Variants in THADA observed in about 807,000 individuals in gnomAD.
The protein encoded by THADA is THADA armadillo repeat containing.
Under a neutral mutation model 219.8 loss-of-function variants are expected in THADA, and 213 were observed. The ratio of observed to expected loss-of-function variants is 0.97; its 90% confidence interval spans 0.87 to 1.09. The LOEUF (loss-of-function observed/expected upper bound fraction) is 1.09. Ranked by LOEUF, THADA falls within the 50% of genes least tolerant of loss-of-function variation. The pLI is 0.00. For synonymous variants in THADA, 1,018 were observed against 828.9 expected (o/e 1.23, Z -3.92); for missense variants, 2,956 against 2,311.3 (o/e 1.28, Z -5.72).
At chr2:43,509,768 T>A (rs1690158899) in intron 22 of THADA, among the ~76,000 whole-genome samples, 1 of 152,190 alleles carries the variant, frequency 6.6e-6, no homozygotes, top group African/African-American at 2.4e-5. Context: ...ATAAGACTAC[T>A]TTAAAGGAGG....
At chr2:43,583,219 T>C (rs1700644971) in intron 7 of THADA, among the ~76,000 whole-genome samples, 1 of 152,234 alleles carries the variant, frequency 6.6e-6, no homozygotes. Flanking sequence ...CAACTCCAAA[T>C]CTGCTGTACC....
intron 30 of THADA, among the ~76,000 whole-genome samples, chr2:43,322,907 C>T (rs934948458): frequency 6.6e-5 from 10 of 151,814 alleles, no homozygotes; most frequent in Non-Finnish European, 1.0e-4. Context: ...AGGATGGTTT[C>T]GATCTCCTGA....
intron 29 of THADA, among the ~76,000 whole-genome samples, chr2:43,346,030 C>A (rs947323574): frequency 6.6e-6 from 1 of 152,050 alleles, no homozygotes; most frequent in Non-Finnish European, 1.5e-5. Flanking sequence ...CCTGGTTATT[C>A]ACCAGGAATG....
chr2:43,530,050 A>C (rs1243899649), intron 21 of THADA, among the ~76,000 whole-genome samples: 1 of 152,204 alleles, frequency 6.6e-6, no homozygotes, highest in Non-Finnish European at 1.5e-5. Context: ...CCACACTCAA[A>C]GTACATCTGA....
intron 31 of THADA, among the ~76,000 whole-genome samples, chr2:43,301,879 C>T (rs973587742): frequency 6.6e-6 from 1 of 152,164 alleles, no homozygotes; most frequent in Non-Finnish European, 1.5e-5. Context: ...GGTGCAACAA[C>T]GTTTGTGTCC....
intron 28 of THADA, among the ~76,000 whole-genome samples, chr2:43,413,447 C>A (rs1374058084): frequency 6.6e-6 from 1 of 152,178 alleles, no homozygotes; most frequent in Non-Finnish European, 1.5e-5. Context: ...AGGTGAGATA[C>A]AAATTTAATA....
intron 31 of THADA, among the ~76,000 whole-genome samples, chr2:43,302,040 C>CT (rs76563247): frequency 0.03 from 4,448 of 148,876 alleles, 126 homozygotes; most frequent in East Asian, 0.096. Flanking sequence ...CCTTCTTTGC[C>CT]TTTTTTTTTT....
chr2:43,498,896 A>G lies in THADA; in HGVS notation c.3681T>C (p.Ile1227=), dbSNP rs369623620. 1.6e-5 allele frequency: 25 copies of G among 1,608,800 alleles called. No individual in the cohort carries two copies. The African/African-American group carries it at 3.2e-4, about 21-fold the overall frequency. ...TAGCTCCATCAGCAACATAAGGAAT[A>G]ATATTTTCTCCCAGGCGCGTATCTC... ...LFRDTRLGEN[I]IPYVADGAKA... Residue 1227 remains isoleucine, a synonymous_variant, in exon 25 of 38, where the codon ATT becomes ATC. Coordinates refer to ENST00000405975, the MANE Select transcript of THADA (RefSeq NM_022065.5).
chr2:43,592,161 A>G lies in THADA; in HGVS notation c.77-115T>C, dbSNP rs1195324834. ...TAAACCATAGCAATAGGTGGAACAT[A>G]GTCTGAAGACAGAATTTTAAGAAAA... is the stretch of plus-strand genomic sequence containing the variant. On this transcript the variant is annotated intron_variant, in intron 2 of 37. Coordinates refer to ENST00000405975, the MANE Select transcript of THADA (RefSeq NM_022065.5). The G allele has an allele frequency of 3.0e-6, 3 of 1,000,232 alleles. 1 individual carries two copies. The highest frequency in any genetic ancestry group is 5.3e-5 in the East Asian group (2 of 37,894). 62.0% of individuals were successfully genotyped at this position (1,000,232 alleles called of 1,614,324 possible). A position where few individuals can be genotyped will look rare whatever the true frequency, so the allele number is the denominator to read the frequency against.
At chr2:43,539,291 G>A (rs1574148251) in intron 21 of THADA, among the ~76,000 whole-genome samples, 1 of 152,162 alleles carries the variant, frequency 6.6e-6, no homozygotes, top group African/African-American at 2.4e-5. Context: ...GTGTACCTCA[G>A]GTGTGGCCCA....
chr2:43,329,766 A>C (rs898517857), intron 30 of THADA, among the ~76,000 whole-genome samples: 1 of 152,200 alleles, frequency 6.6e-6, no homozygotes, highest in Admixed American at 6.5e-5. Flanking sequence ...GCAATTAGAA[A>C]CCACGTAGAC....
intron 26 of THADA, among the ~76,000 whole-genome samples, chr2:43,447,794 C>T (rs1247549873): frequency 6.6e-6 from 1 of 150,696 alleles, no homozygotes; most frequent in African/African-American, 2.4e-5. Context: ...AACTTTGTTT[C>T]AAAACATTTT....
intron 30 of THADA, among the ~76,000 whole-genome samples, chr2:43,328,823 G>A (rs1262192977): frequency 4.6e-5 from 7 of 152,172 alleles, no homozygotes; most frequent in African/African-American, 1.7e-4. Flanking sequence ...TTTCCCTTAG[G>A]ATTGCTGCTG....
At chr2:43,346,628 A>C (rs1197673877) in intron 29 of THADA, among the ~76,000 whole-genome samples, 1 of 152,226 alleles carries the variant, frequency 6.6e-6, no homozygotes, top group Non-Finnish European at 1.5e-5. Context: ...AGAACTCAGA[A>C]GTTCAGTGTC....
Position 43,574,503 on chromosome 2 carries a change from T to C in THADA, c.1562A>G (p.Gln521Arg), listed in dbSNP as rs370201492. The change falls in exon 11 of 38, where the codon CAG becomes CGG. Residue 521 changes from glutamine to arginine, a missense_variant. Coordinates refer to ENST00000405975, the MANE Select transcript of THADA (RefSeq NM_022065.5). Reference sequence around the variant, plus strand: ...AGGAGAAACCCAAGTCTCATGCCACTGGTCAATCCAAGAACTCTCAGCAGT... The same window carrying C: ...AGGAGAAACCCAAGTCTCATGCCACCGGTCAATCCAAGAACTCTCAGCAGT... ...SQTAESSWID[Q>R]WHETWVSPLL... The C allele has an allele frequency of 6.2e-7, 1 of 1,613,886 alleles. No individual in the cohort carries two copies. Among genetic ancestry groups the C allele is most frequent in the African/African-American group, 1.3e-5 (1 of 74,946 alleles).
chr2:43,497,379 C>A (rs1254125852), intron 25 of THADA, among the ~76,000 whole-genome samples: 1 of 152,140 alleles, frequency 6.6e-6, no homozygotes, highest in Non-Finnish European at 1.5e-5. Context: ...AGATCATGTC[C>A]TTTGCAGGGA....
intron 30 of THADA, among the ~76,000 whole-genome samples, chr2:43,323,727 AAACC>A (rs946122405): frequency 2.0e-5 from 3 of 152,076 alleles, no homozygotes; most frequent in Admixed American, 1.3e-4. Flanking sequence ...TTAACCCAAA[AAACC>A]AACCAACCAA....
intron 25 of THADA, among the ~76,000 whole-genome samples, chr2:43,485,546 A>G (rs928605740): frequency 6.6e-6 from 1 of 152,158 alleles, no homozygotes; most frequent in Non-Finnish European, 1.5e-5. Flanking sequence ...CACACAACAC[A>G]GCCTTTTCCT....
At chr2:43,569,539 T>C (rs912347934) in intron 14 of THADA, among the ~76,000 whole-genome samples, 1 of 152,218 alleles carries the variant, frequency 6.6e-6, no homozygotes, top group Non-Finnish European at 1.5e-5. Flanking sequence ...ATTGAGATTT[T>C]AAAAGGTCGA....
Sources: allele counts gnomAD v4.1 joint callset (sites outside exome capture counted in the v4.1 genomes callset), GRCh38; gene constraint gnomAD v4.1.1; transcripts MANE v1.5; gene names NCBI Gene and HGNC (gene_info 2026-07-23, HGNC 2026-07-21).